Variants in HNRNPC observed in about 807,000 individuals in gnomAD.
The protein encoded by HNRNPC is heterogeneous nuclear ribonucleoproteins C1/C2.
HNRNPC carries 3 observed loss-of-function variants against 33.2 expected under a neutral mutation model. The observed-to-expected ratio is 0.09, with a 90% CI of 0.04 to 0.23. The LOEUF (loss-of-function observed/expected upper bound fraction) is 0.23, where lower values mean the gene tolerates loss of function less well. HNRNPC is among the 10% of genes least tolerant of loss of function. The pLI is 1.00. For missense variants in HNRNPC, 143 were observed against 366.7 expected (o/e 0.39, Z 4.98); for synonymous variants, 121 against 126.7 (o/e 0.96, Z 0.30).
intron 3 of HNRNPC, among the ~76,000 whole-genome samples, chr14:21,232,951 C>T (rs1251101852): frequency 3.9e-5 from 6 of 151,948 alleles, no homozygotes; most frequent in East Asian, 3.9e-4. Flanking sequence ...ACAGGACAAT[C>T]GCTTGAACCC....
intron 1 of HNRNPC, among the ~76,000 whole-genome samples, chr14:21,265,787 A>T (rs928916186): frequency 1.3e-5 from 2 of 152,208 alleles, no homozygotes; most frequent in Non-Finnish European, 1.5e-5. Flanking sequence ...GAAAAAAAGT[A>T]TCCTTACCTA....
intron 5 of HNRNPC, among the ~76,000 whole-genome samples, chr14:21,224,679 T>C (rs1223096149): frequency 6.6e-6 from 1 of 152,114 alleles, no homozygotes; most frequent in Non-Finnish European, 1.5e-5. Flanking sequence ...AAATACCATC[T>C]ATAGGACACA....
At chr14:21,214,381 T>C (rs1179879283) in intron 5 of HNRNPC, among the ~76,000 whole-genome samples, 2 of 152,240 alleles carry the variant, frequency 1.3e-5, no homozygotes, top group Non-Finnish European at 2.9e-5. Context: ...AATTCTCTCC[T>C]CTGTTAACTT....
intron 5 of HNRNPC, among the ~76,000 whole-genome samples, chr14:21,213,918 T>A (rs1215235782): frequency 6.6e-6 from 1 of 152,234 alleles, no homozygotes; most frequent in East Asian, 1.9e-4. Context: ...ATTAGAAATC[T>A]TAATTTCAAA....
At chr14:21,242,527 TGA>T (rs1895479119) in intron 2 of HNRNPC, among the ~76,000 whole-genome samples, 1 of 152,182 alleles carries the variant, frequency 6.6e-6, no homozygotes, top group Non-Finnish European at 1.5e-5. Context: ...TTTACATTGG[TGA>T]GGACTTAACA....
At chr14:21,258,052 A>T (rs1877528076) in intron 2 of HNRNPC, among the ~76,000 whole-genome samples, 1 of 152,220 alleles carries the variant, frequency 6.6e-6, no homozygotes, top group Non-Finnish European at 1.5e-5. Flanking sequence ...TAATAATAAA[A>T]GTCCAAAGTT....
intron 5 of HNRNPC, among the ~76,000 whole-genome samples, chr14:21,221,100 A>G (rs1396023999): frequency 1.3e-5 from 2 of 152,198 alleles, no homozygotes; most frequent in Non-Finnish European, 2.9e-5. Context: ...AAAACAAAAA[A>G]CATGCAAAAA....
At chr14:21,265,313 A>G (rs1232298540) in intron 1 of HNRNPC, 1 of 152,250 alleles carries the variant, frequency 6.6e-6, no homozygotes, top group Non-Finnish European at 1.5e-5. Flanking sequence ...TTTTCAAGAT[A>G]CATAACTTTA....
rs891281514 is a variant in HNRNPC at position 21,209,423 on chromosome 14, C to T, written c.*1800G>A. The T allele has an allele frequency of 6.6e-5, 10 of 152,180 alleles. No individual in the cohort carries two copies. Among genetic ancestry groups the T allele is most frequent in the Admixed American group, 6.5e-5 (1 of 15,282 alleles). The allele number at this position is 152,180 out of a possible 1,614,324, so 9.4% of individuals were successfully genotyped here. Reference sequence around the variant, plus strand: ...TTTTATTAGCATCTTATACATCTGACACTCTCTCCTAAGCATCCAGTTTAT... The same window carrying T: ...TTTTATTAGCATCTTATACATCTGATACTCTCTCCTAAGCATCCAGTTTAT... On this transcript the variant is annotated 3_prime_UTR_variant, in exon 9 of 9. Coordinates refer to ENST00000553300, the MANE Select transcript of HNRNPC (RefSeq NM_004500.4).
intron 5 of HNRNPC, among the ~76,000 whole-genome samples, chr14:21,215,686 GTTACGAGT>G (rs1254758069): frequency 2.0e-5 from 3 of 152,020 alleles, no homozygotes; most frequent in African/African-American, 7.2e-5. Context: ...GGATCATGAG[GTTACGAGT>G]TGAGACCAGC....
At chr14:21,238,955 C>G (rs925859013) in intron 2 of HNRNPC, among the ~76,000 whole-genome samples, 3 of 152,070 alleles carry the variant, frequency 2.0e-5, no homozygotes, top group African/African-American at 7.2e-5. Flanking sequence ...GGTGAAACCC[C>G]ATCTCTACTA....
chr14:21,260,936 C>T (rs1426885970), intron 2 of HNRNPC, among the ~76,000 whole-genome samples: 1 of 143,368 alleles, frequency 7.0e-6, no homozygotes, highest in South Asian at 2.2e-4. Flanking sequence ...GCACTCCAGC[C>T]TGGGAAACAG....
intron 5 of HNRNPC, among the ~76,000 whole-genome samples, chr14:21,225,364 G>A (rs530280456): frequency 5.8e-4 from 88 of 152,052 alleles, no homozygotes; most frequent in African/African-American, 2.0e-3. Flanking sequence ...CCTGGGAGGT[G>A]GAGGTTGCAG....
intron 5 of HNRNPC, among the ~76,000 whole-genome samples, chr14:21,216,045 AG>A (rs1892140897): frequency 6.7e-6 from 1 of 150,136 alleles, no homozygotes; most frequent in South Asian, 2.1e-4. Flanking sequence ...GAACCCAGGA[AG>A]GAAGTGGGGG....
At chr14:21,224,336 TTCTC>T (rs1446814326) in intron 5 of HNRNPC, among the ~76,000 whole-genome samples, 2 of 152,148 alleles carry the variant, frequency 1.3e-5, no homozygotes, top group East Asian at 1.9e-4. Context: ...TCAACTAATT[TTCTC>T]TCTCTACCAA....
rs964873587 is a variant in HNRNPC, at chr14:21,234,360, C to T, written c.-36-131G>A. ...TTAGGCAACTTAAAGGGACTCACAG[C>T]ATTAAGTATGTATTTGCTAATAATT... On this transcript the variant is annotated intron_variant, in intron 2 of 8. Coordinates refer to ENST00000553300, the MANE Select transcript of HNRNPC (RefSeq NM_004500.4). 5.8e-6 allele frequency: 4 copies of T among 691,822 alleles called. No individual in the cohort carries two copies. In the South Asian group the frequency reaches 6.3e-5, roughly 11 times the overall value. The allele number at this position is 691,822 out of a possible 1,614,324, so 42.9% of individuals were successfully genotyped here.
In HNRNPC at chr14:21,238,985, T is replaced by C. The variant is rs189475803; in HGVS notation, c.-36-4756A>G. On this transcript the variant is annotated intron_variant, in intron 2 of 8. Coordinates refer to ENST00000553300, the MANE Select transcript of HNRNPC (RefSeq NM_004500.4). ...CTACTAAAAATACAAAAATCAGCCA[T>C]GCGTGGTGGCCTGCACCTGTAGTCC... Among the ~76,000 whole-genome samples the C allele has an allele frequency of 1.5e-3, 235 of 152,042 alleles. 1 individual carries two copies. The highest frequency in any genetic ancestry group is 5.3e-3 in the African/African-American group (220 of 41,492).
intron 2 of HNRNPC, among the ~76,000 whole-genome samples, chr14:21,261,931 C>G (rs972073305): frequency 1.3e-5 from 2 of 152,130 alleles, no homozygotes; most frequent in East Asian, 1.9e-4. Flanking sequence ...TCCTTCTTAA[C>G]ATCAGAACAC....
chr14:21,213,442 T>G (rs1251903552), intron 5 of HNRNPC: 2 of 229,780 alleles, frequency 8.7e-6, no homozygotes, highest in African/African-American at 2.3e-5. Context: ...AACAGGGCAT[T>G]TATTATAATG....
Sources: gnomAD v4.1 joint callset for allele counts (sites outside exome capture counted in the v4.1 genomes callset) on GRCh38, gnomAD v4.1.1 for gene constraint, MANE v1.5 for transcripts, NCBI Gene and HGNC (gene_info 2026-07-23, HGNC 2026-07-21) for gene names.